The following MDGA2 variants were observed in gnomAD, a reference collection of about 807,000 sequenced individuals.
The protein encoded by MDGA2 is MAM domain-containing glycosylphosphatidylinositol anchor protein 2.
Under a neutral mutation model 117.8 loss-of-function variants are expected in MDGA2, and 40 were observed. That is an observed-to-expected ratio of 0.34 (90% CI 0.26 to 0.44). The LOEUF is 0.44. Ranked by LOEUF, MDGA2 falls within the 20% of genes least tolerant of loss-of-function variation. The probability of loss-of-function intolerance (pLI) is 1.00; values close to 1 mark genes in which losing one functional copy is unlikely to be tolerated. For synonymous variants in MDGA2, 452 were observed against 439.0 expected, an observed-to-expected ratio of 1.03 and a Z score of -0.37; for missense variants, 1,123 against 1,250.6, an observed-to-expected ratio of 0.90 and a Z score of 1.54.
chr14:47,256,143 T>C (rs1887610957), intron 2 of MDGA2, among the ~76,000 whole-genome samples: 1 of 151,100 alleles, frequency 6.6e-6, no homozygotes, highest in South Asian at 2.1e-4. Flanking sequence ...CTCACTCTGA[T>C]GGCTATTTTA....
intron 4 of MDGA2, among the ~76,000 whole-genome samples, chr14:47,136,968 A>C (rs1435314619): frequency 6.6e-6 from 1 of 152,206 alleles, no homozygotes; most frequent in Non-Finnish European, 1.5e-5. Flanking sequence ...GGTAAGCCCC[A>C]AGGGAAATAT....
At chr14:47,048,997 G>C (rs965235018) in intron 7 of MDGA2, among the ~76,000 whole-genome samples, 1 of 151,962 alleles carries the variant, frequency 6.6e-6, no homozygotes, top group East Asian at 1.9e-4. Context: ...GGACTAATAC[G>C]TGTGAAGAGT....
chr14:47,482,804 G>C (rs545157117), intron 1 of MDGA2, among the ~76,000 whole-genome samples: 208 of 151,716 alleles, frequency 1.4e-3, no homozygotes, highest in Non-Finnish European at 2.3e-3. Context: ...CACTAGCAGA[G>C]GTGATAAAAA....
At chr14:47,005,756 T>C (rs752695017) in intron 8 of MDGA2, among the ~76,000 whole-genome samples, 5 of 151,622 alleles carry the variant, frequency 3.3e-5, no homozygotes, top group Non-Finnish European at 7.4e-5. Context: ...TGTATATTGA[T>C]ACCAATCTAA....
At chr14:47,591,519 C>A (rs1896438109) in intron 1 of MDGA2, among the ~76,000 whole-genome samples, 1 of 152,104 alleles carries the variant, frequency 6.6e-6, no homozygotes, top group Admixed American at 6.6e-5. Flanking sequence ...GCCAATATCC[C>A]TGATAAACAT....
intron 3 of MDGA2, among the ~76,000 whole-genome samples, chr14:47,188,113 T>G (rs187491944): frequency 6.6e-6 from 1 of 152,268 alleles, no homozygotes; most frequent in East Asian, 1.9e-4. Flanking sequence ...ACATCGTTGG[T>G]TGCATGTCAC....
At chr14:46,966,881 G>C (rs1886052779) in intron 8 of MDGA2, among the ~76,000 whole-genome samples, 1 of 143,746 alleles carries the variant, frequency 7.0e-6, no homozygotes, top group Admixed American at 7.2e-5. Flanking sequence ...GAAAATACCA[G>C]ATTATAGGAA....
At chr14:47,236,511 G>A (rs1381102348) in intron 2 of MDGA2, among the ~76,000 whole-genome samples, 1 of 152,108 alleles carries the variant, frequency 6.6e-6, no homozygotes, top group South Asian at 2.1e-4. Context: ...TGCTTTCTTC[G>A]AATGACCTTT....
intron 1 of MDGA2, among the ~76,000 whole-genome samples, chr14:47,594,875 A>T (rs1896506330): frequency 6.6e-6 from 1 of 152,136 alleles, no homozygotes; most frequent in Non-Finnish European, 1.5e-5. Context: ...AATGGGTAAG[A>T]AAGACTGTAT....
At chr14:47,456,797 A>G (rs767921551) in intron 1 of MDGA2, among the ~76,000 whole-genome samples, 2 of 152,182 alleles carry the variant, frequency 1.3e-5, no homozygotes, top group Non-Finnish European at 2.9e-5. Flanking sequence ...TTGCTGATAT[A>G]GGAGCAATAG....
chr14:47,643,711 A>G (rs1897471649), intron 1 of MDGA2, among the ~76,000 whole-genome samples: 1 of 152,156 alleles, frequency 6.6e-6, no homozygotes, highest in Non-Finnish European at 1.5e-5. Flanking sequence ...TCCTTATGTA[A>G]TAATCTTCAT....
chr14:47,019,524 A>T (rs747160110), intron 8 of MDGA2, among the ~76,000 whole-genome samples: 1 of 152,152 alleles, frequency 6.6e-6, no homozygotes, highest in Non-Finnish European at 1.5e-5. Context: ...ATTTGGAACA[A>T]TCAACATTTC....
chr14:46,897,346 A>G (rs760412793), intron 10 of MDGA2, among the ~76,000 whole-genome samples: 15 of 152,226 alleles, frequency 9.9e-5, no homozygotes, highest in Admixed American at 2.0e-4. Flanking sequence ...AGATTTCTTA[A>G]CGCATTGCTT....
chr14:47,639,771 G>A (rs556230247), intron 1 of MDGA2, among the ~76,000 whole-genome samples: 3 of 152,126 alleles, frequency 2.0e-5, no homozygotes, highest in East Asian at 1.9e-4. Flanking sequence ...ACAACAATCC[G>A]TCAAAATGTT....
At chr14:47,606,734 G>A (rs1171395727) in intron 1 of MDGA2, among the ~76,000 whole-genome samples, 1 of 152,250 alleles carries the variant, frequency 6.6e-6, no homozygotes, top group South Asian at 2.1e-4. Context: ...GGAAGAAATG[G>A]TTTGTAGGAC....
At chr14:46,915,886 T>C (rs1182394461) in intron 10 of MDGA2, among the ~76,000 whole-genome samples, 1 of 152,136 alleles carries the variant, frequency 6.6e-6, no homozygotes, top group African/African-American at 2.4e-5. Context: ...CAGGAGCTTG[T>C]ATTAAGGAGG....
intron 1 of MDGA2, among the ~76,000 whole-genome samples, chr14:47,647,071 C>T (rs916213837): frequency 3.3e-5 from 5 of 152,110 alleles, no homozygotes; most frequent in Admixed American, 6.5e-5. Context: ...ATCTTTAGCT[C>T]TATCATCATA....
At chr14:47,504,118 G>A (rs1408248738) in intron 1 of MDGA2, among the ~76,000 whole-genome samples, 2 of 152,146 alleles carry the variant, frequency 1.3e-5, no homozygotes, top group South Asian at 2.1e-4. Flanking sequence ...GGGGTTAAAC[G>A]TGAAGGGAGA....
At chr14:47,465,081 G>A (rs1031694404) in intron 1 of MDGA2, among the ~76,000 whole-genome samples, 1 of 152,088 alleles carries the variant, frequency 6.6e-6, no homozygotes, top group Admixed American at 6.6e-5. Context: ...CGACAAAGCT[G>A]ACAGAAAAAA....
Sources: allele counts gnomAD v4.1 joint callset (sites outside exome capture counted in the v4.1 genomes callset), GRCh38; gene constraint gnomAD v4.1.1; transcripts MANE v1.5; gene names NCBI Gene and HGNC (gene_info 2026-07-23, HGNC 2026-07-21).